The following SUCLA2 variants were observed in gnomAD, a reference collection of about 807,000 sequenced individuals.
The protein encoded by SUCLA2 is succinate--CoA ligase [ADP-forming] subunit beta, mitochondrial.
SUCLA2 carries 30 observed loss-of-function variants against 54.8 expected under a neutral mutation model. That is an observed-to-expected ratio of 0.55 (90% CI 0.41 to 0.74). The LOEUF (loss-of-function observed/expected upper bound fraction) is 0.74, where lower values mean the gene tolerates loss of function less well. Among genes scored for constraint, SUCLA2 ranks in the 30% least tolerant of loss-of-function variants. The pLI is 0.00. For missense variants in SUCLA2, 476 were observed against 562.9 expected (o/e 0.85, Z 1.56); for synonymous variants, 172 against 188.9 (o/e 0.91, Z 0.74).
At chr13:47,969,888 A>G (rs1367487140) in intron 5 of SUCLA2, among the ~76,000 whole-genome samples, 1 of 152,060 alleles carries the variant, frequency 6.6e-6, no homozygotes, top group Non-Finnish European at 1.5e-5. Flanking sequence ...GATCACTTGA[A>G]GCCAGGAGTT....
chr13:47,989,049 T>G (rs1950129491), intron 2 of SUCLA2, 68 bp from the exon 3 acceptor site: 1 of 1,418,838 alleles, frequency 7.0e-7, no homozygotes, highest in Admixed American at 1.7e-5. Context: ...ATTTTGTTAT[T>G]TAACATACAT....
intron 1 of SUCLA2, chr13:48,000,904 C>A: frequency 7.4e-7 from 1 of 1,346,646 alleles, no homozygotes; most frequent in South Asian, 1.6e-5. Context: ...ACTCAGAGCC[C>A]ACCTGCTCCC....
chr13:47,964,025 T>C (rs1949894862), intron 6 of SUCLA2, among the ~76,000 whole-genome samples: 1 of 152,198 alleles, frequency 6.6e-6, no homozygotes. Context: ...CAAATGTTTG[T>C]AGCAGCTTGT....
intron 8 of SUCLA2, among the ~76,000 whole-genome samples, chr13:47,952,320 G>A (rs1175689427): frequency 6.6e-6 from 1 of 152,048 alleles, no homozygotes; most frequent in Non-Finnish European, 1.5e-5. Flanking sequence ...CAACAAAAAT[G>A]GAGGGGCCAG....
rs573844362 is a variant in SUCLA2, at chr13:47,970,728, C to A, written c.664-1995G>T. 2.4e-4 allele frequency among the ~76,000 whole-genome samples: 37 copies of A among 152,132 alleles called. 1 individual carries two copies. The highest frequency in any genetic ancestry group is 6.7e-4 in the African/African-American group (28 of 41,506). ...TACAAAAATTAGCTGGTCATGGTGG[C>A]GGGCGCCTGTAATCCCAGCTACCTG... On this transcript the variant is annotated intron_variant, in intron 5 of 10. Coordinates refer to ENST00000646932, the MANE Select transcript of SUCLA2 (RefSeq NM_003850.3).
chr13:47,952,405 A>C (rs1326441665), intron 8 of SUCLA2, among the ~76,000 whole-genome samples: 1 of 152,026 alleles, frequency 6.6e-6, no homozygotes, highest in African/African-American at 2.4e-5. Flanking sequence ...TTTCTCCAAT[A>C]TAGGAAGTAC....
chr13:47,952,123 C>A (rs895940078), intron 8 of SUCLA2, among the ~76,000 whole-genome samples: 4 of 152,050 alleles, frequency 2.6e-5, no homozygotes, highest in Non-Finnish European at 5.9e-5. Flanking sequence ...CGAAGGTTCC[C>A]ACTCACCTCT....
In SUCLA2 at chr13:47,943,223, G is replaced by A; in HGVS notation, c.*148C>T. The A allele has an allele frequency of 1.3e-6, 1 of 799,586 alleles. No individual in the cohort carries two copies. The highest frequency in any genetic ancestry group is 2.2e-6 in the Non-Finnish European group (1 of 451,712). The allele number at this position is 799,586 out of a possible 1,614,324, so 49.5% of individuals were successfully genotyped here. ...TCCATTCTGAATGGTACAATTAAAT[G>A]CAGTCCAAATCCTTTTAAATGTTTG... On this transcript the variant is annotated 3_prime_UTR_variant, in exon 11 of 11. Coordinates refer to ENST00000646932, the MANE Select transcript of SUCLA2 (RefSeq NM_003850.3).
chr13:47,943,304 A>C lies in SUCLA2; in HGVS notation c.*67T>G, dbSNP rs963509665. On this transcript the variant is annotated 3_prime_UTR_variant, in exon 11 of 11. Transcript: ENST00000646932. ...CACTAAAAAGAAAAAGAACAATAAC[A>C]CAGAACACAGTATTCTTAATGATTA... The C allele has an allele frequency of 6.3e-5, 92 of 1,461,728 alleles. No individual in the cohort carries two copies. Among genetic ancestry groups the C allele is most frequent in the Non-Finnish European group, 8.5e-5 (89 of 1,042,554 alleles). The allele number at this position is 1,461,728 out of a possible 1,614,324, so 90.5% of individuals were successfully genotyped here. A position where few individuals can be genotyped will look rare whatever the true frequency, so the allele number is the denominator to read the frequency against.
At chr13:47,976,199 C>T (rs1033718795) in intron 4 of SUCLA2, among the ~76,000 whole-genome samples, 2 of 152,140 alleles carry the variant, frequency 1.3e-5, no homozygotes, top group Non-Finnish European at 2.9e-5. Flanking sequence ...AGACCTTGCT[C>T]CCTGACAAAA....
chr13:47,988,488 GA>G (rs1950122766), intron 4 of SUCLA2, 52 bp downstream of exon 4: 10 of 1,587,930 alleles, frequency 6.3e-6, no homozygotes, highest in Admixed American at 1.7e-5. Flanking sequence ...ATGGACTTTT[GA>G]AATTGAATGT....
chr13:47,999,227 G>GA (rs1286335835), intron 1 of SUCLA2, among the ~76,000 whole-genome samples: 7 of 152,146 alleles, frequency 4.6e-5, no homozygotes, highest in Non-Finnish European at 8.8e-5. Flanking sequence ...GGGACAACTA[G>GA]AAAAATCTGA....
chr13:47,979,317 G>A (rs1456569736), intron 4 of SUCLA2, among the ~76,000 whole-genome samples: 1 of 152,152 alleles, frequency 6.6e-6, no homozygotes, highest in Non-Finnish European at 1.5e-5. Context: ...CCATAAAAAG[G>A]ATGAGTTCAT....
At chr13:47,949,153 C>T (rs962443531) in intron 9 of SUCLA2, 125 bp from the exon 10 acceptor site, 13 of 963,498 alleles carry the variant, frequency 1.3e-5, no homozygotes, top group South Asian at 7.0e-5. Context: ...TTAGTATAAA[C>T]ACTTCTAAAC....
Position 47,996,903 on chromosome 13 carries a change from C to G in SUCLA2, c.211G>C (p.Val71Leu). ...MELLQEAGVS[V>L]PKGYVAKSPD... Reference sequence around the variant, plus strand: ...GACTTTGCCACATATCCTTTGGGAACGGAGACACCAGCTTCTTGCAATAAT... The same window carrying G: ...GACTTTGCCACATATCCTTTGGGAAGGGAGACACCAGCTTCTTGCAATAAT... The change falls in exon 2 of 11, where the codon GTT becomes CTT. Residue 71 changes from valine to leucine, a missense_variant. Physicochemically the swap from Val to Leu is conservative, Grantham distance 32 (BLOSUM62 1). Transcript: ENST00000646932. 1 of 1,613,972 alleles carries G rather than the reference C, an allele frequency of 6.2e-7. No homozygotes were observed. The highest frequency in any genetic ancestry group is 1.1e-5 in the South Asian group (1 of 91,080).
chr13:47,979,486 G>T (rs7982822), intron 4 of SUCLA2, among the ~76,000 whole-genome samples: 1 of 152,140 alleles, frequency 6.6e-6, no homozygotes, highest in Non-Finnish European at 1.5e-5. Flanking sequence ...GGGGCCTGTC[G>T]GGGGGTGGGG....
intron 8 of SUCLA2, 57 bp from the exon 9 acceptor site, chr13:47,949,660 C>G: frequency 3.2e-6 from 5 of 1,545,568 alleles, no homozygotes; most frequent in Non-Finnish European, 4.5e-6. Flanking sequence ...GTTCTTTTCC[C>G]CAAAAAATAC....
At chr13:47,994,516 C>T (rs558541104) in intron 2 of SUCLA2, among the ~76,000 whole-genome samples, 31 of 142,730 alleles carry the variant, frequency 2.2e-4, no homozygotes, top group South Asian at 1.3e-3. Flanking sequence ...TGCAGTGAGC[C>T]GAGATCGCGC....
At chr13:47,994,810 T>A (rs977187351) in intron 2 of SUCLA2, 3 of 985,090 alleles carry the variant, frequency 3.0e-6, no homozygotes, top group Non-Finnish European at 3.6e-6. Flanking sequence ...CTGCTTCTTA[T>A]TACTTGTGAG....
Sources: gnomAD v4.1 joint callset for allele counts (sites outside exome capture counted in the v4.1 genomes callset) on GRCh38, gnomAD v4.1.1 for gene constraint, MANE v1.5 for transcripts, NCBI Gene and HGNC (gene_info 2026-07-23, HGNC 2026-07-21) for gene names.